TMTC1: variants seen among roughly 807,000 people sequenced by gnomAD.
TMTC1 encodes protein O-mannosyl-transferase TMTC1.
In TMTC1, 73 loss-of-function variants were observed where a neutral mutation model predicts 104.8. The ratio of observed to expected loss-of-function variants is 0.70; its 90% CI spans 0.58 to 0.85. The LOEUF is 0.85. Ranked by LOEUF, TMTC1 falls within the 40% of genes least tolerant of loss-of-function variation. The probability of loss-of-function intolerance (pLI) is 0.00; values close to 1 mark genes in which losing one functional copy is unlikely to be tolerated. For missense variants in TMTC1, 1,035 were observed against 1,096.1 expected (o/e 0.94, Z 0.79); for synonymous variants, 434 against 428.7 (o/e 1.01, Z -0.15).
At chr12:29,748,073 GT>G (rs1302768217) in intron 5 of TMTC1, among the ~76,000 whole-genome samples, 1 of 151,816 alleles carries the variant, frequency 6.6e-6, no homozygotes, top group Non-Finnish European at 1.5e-5. Context: ...GTATGACACT[GT>G]TTTTTGTTTT....
At chr12:29,758,553 T>C (rs545233328) in intron 3 of TMTC1, 151 bp downstream of exon 3, 3 of 782,508 alleles carry the variant, frequency 3.8e-6, no homozygotes, top group East Asian at 2.7e-5. Context: ...GGCCCAGCAC[T>C]GGACAAGCAG....
At chr12:29,762,838 T>A (rs999463797) in intron 2 of TMTC1, among the ~76,000 whole-genome samples, 1 of 152,236 alleles carries the variant, frequency 6.6e-6, no homozygotes, top group Non-Finnish European at 1.5e-5. Flanking sequence ...TCACAGGCTG[T>A]AAAGCCGAAG....
At chr12:29,765,837 G>A (rs1461365921) in intron 2 of TMTC1, among the ~76,000 whole-genome samples, 2 of 152,298 alleles carry the variant, frequency 1.3e-5, no homozygotes, top group Non-Finnish European at 2.9e-5. Context: ...GAAAATGGAA[G>A]TAGACCTGTT....
chr12:29,647,340 G>A lies in TMTC1; in HGVS notation c.939-14004C>T, dbSNP rs151191569. On this transcript the variant is annotated intron_variant, in intron 5 of 17. Transcript: ENST00000539277. The stretch of plus-strand genomic sequence containing the variant: ...CTGCCCCAAAAAACATGTTTTAAGA[G>A]CCCCTATAAACATGTTTCGAAGGCT... Among the ~76,000 whole-genome samples, 404 of 152,218 alleles carry A rather than the reference G, an allele frequency of 2.7e-3. 3 individuals carry two copies. The highest frequency in any genetic ancestry group is 3.2e-3 in the Non-Finnish European group (220 of 68,016).
At chr12:29,759,323 C>T (rs1359220765) in intron 2 of TMTC1, among the ~76,000 whole-genome samples, 1 of 146,808 alleles carries the variant, frequency 6.8e-6, no homozygotes, top group Non-Finnish European at 1.5e-5. Context: ...TGGCAAAACC[C>T]TGTGTCTACA....
intron 7 of TMTC1, among the ~76,000 whole-genome samples, chr12:29,594,441 CT>C (rs1297138443): frequency 6.6e-6 from 1 of 152,218 alleles, no homozygotes; most frequent in East Asian, 1.9e-4. Context: ...CCTACAATTC[CT>C]TTTGTAACCA....
intron 5 of TMTC1, among the ~76,000 whole-genome samples, chr12:29,647,989 G>C (rs1438318758): frequency 1.3e-5 from 2 of 152,138 alleles, no homozygotes; most frequent in East Asian, 1.9e-4. Context: ...GACATTTAAG[G>C]CTCCAGTCCT....
intron 5 of TMTC1, among the ~76,000 whole-genome samples, chr12:29,671,380 G>T (rs1188705238): frequency 1.3e-5 from 2 of 151,464 alleles, no homozygotes; most frequent in Non-Finnish European, 3.0e-5. Flanking sequence ...TACAAAAAAA[G>T]TCAAACTATT....
chr12:29,757,632 C>G (rs538348562), intron 3 of TMTC1, among the ~76,000 whole-genome samples: 1 of 152,196 alleles, frequency 6.6e-6, no homozygotes, highest in Non-Finnish European at 1.5e-5. Context: ...TGACTTGCCC[C>G]CCTTTTCCAG....
intron 5 of TMTC1, among the ~76,000 whole-genome samples, chr12:29,710,379 A>G (rs933802475): frequency 3.9e-5 from 6 of 151,928 alleles, no homozygotes; most frequent in African/African-American, 1.2e-4. Context: ...CCACACTCCT[A>G]TTTCAGGGAT....
chr12:29,588,429 T>C (rs1291733282), intron 7 of TMTC1, among the ~76,000 whole-genome samples: 4 of 152,214 alleles, frequency 2.6e-5, no homozygotes, highest in Non-Finnish European at 5.9e-5. Flanking sequence ...CTTTGCCCCC[T>C]GTTCCTCTAG....
At chr12:29,568,776 T>G in intron 9 of TMTC1, 1 of 381,486 alleles carries the variant, frequency 2.6e-6, no homozygotes, top group Non-Finnish European at 5.2e-6. Context: ...CTTTCGGGGC[T>G]TATTAGCTGA....
intron 6 of TMTC1, chr12:29,614,028 C>T: frequency 2.2e-6 from 1 of 457,740 alleles, no homozygotes; most frequent in South Asian, 9.3e-5. Context: ...GTTTCACTCT[C>T]CTAGTGAAGA....
At chr12:29,553,626 T>C (rs1945163390) in intron 10 of TMTC1, among the ~76,000 whole-genome samples, 1 of 152,204 alleles carries the variant, frequency 6.6e-6, no homozygotes. Flanking sequence ...ATGTAAAGCA[T>C]TGTTGTTGAT....
Position 29,502,579 on chromosome 12 carries a change from C to T in TMTC1, c.*4267G>A, listed in dbSNP as rs1171377559. The T allele has an allele frequency of 6.6e-6, 1 of 152,116 alleles. No homozygotes were observed. The highest frequency in any genetic ancestry group is 1.9e-4 in the East Asian group (1 of 5,186). The allele number at this position is 152,116 out of a possible 1,614,324, so 9.4% of individuals were successfully genotyped here. A position where few individuals can be genotyped will look rare whatever the true frequency, so the allele number is the denominator to read the frequency against. ...TGTCATTTTAAGGCCAAATTGCAGT[C>T]CAATTGCCACAAGTGCAAAACCACC... On this transcript the variant is annotated 3_prime_UTR_variant, in exon 18 of 18. Transcript: ENST00000539277.
In TMTC1 at chr12:29,783,563, C is replaced by A; in HGVS notation, c.189G>T (p.Val63=). ...CCCAGCGGAGCGGGGCGCCGGGCCG[C>A]ACGTCGGGGTTGTTCACGATCGCCC... is the stretch of plus-strand genomic sequence containing the variant. ...DVWAIVNNPD[V]RPGAPLRWGI... is the part of the protein sequence containing the mutation. Residue 63 remains valine, a synonymous_variant, in exon 1 of 18, where the codon GTG becomes GTT. Coordinates refer to ENST00000539277, the MANE Select transcript of TMTC1 (RefSeq NM_001193451.2). This position sits in a 1 kb window ranked among gnomAD's most constrained non-coding sequence, Gnocchi z 4.7. 6.8e-7 allele frequency: 1 copy of A among 1,479,930 alleles called. No homozygotes were observed. The highest frequency in any genetic ancestry group is 8.9e-7 in the Non-Finnish European group (1 of 1,118,276). 91.7% of individuals were successfully genotyped at this position (1,479,930 alleles called of 1,614,324 possible). A position where few individuals can be genotyped will look rare whatever the true frequency, so the allele number is the denominator to read the frequency against.
chr12:29,603,531 C>G (rs774531555), intron 7 of TMTC1, among the ~76,000 whole-genome samples: 27 of 152,080 alleles, frequency 1.8e-4, no homozygotes, highest in Middle Eastern at 3.4e-3. Flanking sequence ...ATGGCAGAAC[C>G]AAGACTTGGT....
chr12:29,753,104 T>C (rs1167667506), intron 4 of TMTC1, among the ~76,000 whole-genome samples: 1 of 152,066 alleles, frequency 6.6e-6, no homozygotes, highest in East Asian at 1.9e-4. Flanking sequence ...CAACATTTTG[T>C]TTCTATTACT....
chr12:29,550,864 T>G (rs1198280936), intron 10 of TMTC1, among the ~76,000 whole-genome samples: 1 of 134,884 alleles, frequency 7.4e-6, no homozygotes, highest in African/African-American at 2.8e-5. Context: ...GATGCTGGAC[T>G]GGGCTTTAAA....
Sources: gnomAD v4.1 joint callset for allele counts (sites outside exome capture counted in the v4.1 genomes callset) on GRCh38, gnomAD v4.1.1 for gene constraint, Gnocchi (gnomAD v3.1) non-coding constraint, MANE v1.5 for transcripts, NCBI Gene and HGNC (gene_info 2026-07-23, HGNC 2026-07-21) for gene names.